MYOF: variants seen among roughly 807,000 people sequenced by gnomAD.
MYOF encodes the protein fer-1-like 3, myoferlin.
MYOF carries 244 observed loss-of-function variants against 284.2 expected under a neutral mutation model. The ratio of observed to expected loss-of-function variants is 0.86; its 90% CI spans 0.77 to 0.95. The LOEUF (loss-of-function observed/expected upper bound fraction) is 0.95, where lower values mean the gene tolerates loss of function less well. MYOF is among the 40% of genes least tolerant of loss of function. The pLI, the probability that MYOF is intolerant of heterozygous loss-of-function variation, is 0.00. For synonymous variants in MYOF, 904 were observed against 919.7 expected (o/e 0.98, Z 0.31); for missense variants, 2,496 against 2,560.6 (o/e 0.97, Z 0.54).
At chr10:93,407,425 A>C (rs1261558603) in intron 7 of MYOF, among the ~76,000 whole-genome samples, 2 of 13,056 alleles carry the variant, frequency 1.5e-4, no homozygotes, top group Non-Finnish European at 7.2e-4. Context: ...CTCTGTCTCA[A>C]AAAAAAAAAA....
chr10:93,351,508 C>T lies in MYOF; in HGVS notation c.3727G>A (p.Asp1243Asn), dbSNP rs764289927. ...SPVVKLNSEM[D>N]ITPKLLWHPV... ...TGCCAGAGAAGTTTGGGTGTGATGT[C>T]CATTTCTGAGTTCAGTTTCACCACA... Residue 1243 changes from aspartate to asparagine, a missense_variant, in exon 34 of 54, where the codon GAC (aspartate) becomes AAC (asparagine). This residue lies in a region of MYOF where 2,436 missense variants were observed against 2,480.7 expected (regional missense o/e 0.98). Coordinates refer to ENST00000359263, the MANE Select transcript of MYOF (RefSeq NM_013451.4). 13 of 1,614,076 alleles carry T rather than the reference C, an allele frequency of 8.1e-6. No homozygotes were observed. The Admixed American group carries it at 2.2e-4, about 27-fold the overall frequency.
intron 46 of MYOF, chr10:93,324,503 G>T (rs542148336): frequency 6.6e-6 from 1 of 152,330 alleles, no homozygotes; most frequent in East Asian, 1.9e-4. Context: ...AGAAGTGATG[G>T]GGGTTTGTGG....
At chr10:93,411,344 C>T (rs1396999339) in intron 5 of MYOF, among the ~76,000 whole-genome samples, 2 of 152,210 alleles carry the variant, frequency 1.3e-5, no homozygotes, top group Non-Finnish European at 1.5e-5. Flanking sequence ...TCTCTGCCTC[C>T]CATGATGGAA....
At chr10:93,315,191 C>T (rs1443052840) in intron 50 of MYOF, among the ~76,000 whole-genome samples, 2 of 152,136 alleles carry the variant, frequency 1.3e-5, no homozygotes, top group South Asian at 2.1e-4. Flanking sequence ...AGGTACTGTG[C>T]GGGGAAAAGG....
intron 32 of MYOF, 44 bp downstream of exon 32, chr10:93,353,767 A>G (rs541405645): frequency 6.2e-6 from 9 of 1,452,926 alleles, no homozygotes; most frequent in Non-Finnish European, 7.6e-6. Flanking sequence ...GCAAAATAGC[A>G]TGCTATGTAA....
chr10:93,426,085 A>C lies in MYOF; in HGVS notation c.419T>G (p.Val140Gly), dbSNP rs775863239. Residue 140 changes from valine to glycine, a missense_variant, in exon 5 of 54, where the codon GTG becomes GGG. Around this residue, in one of 3 missense-constraint regions of MYOF, gnomAD observed 2,436 missense variants for 2,480.7 expected, o/e 0.98. Coordinates refer to ENST00000359263, the MANE Select transcript of MYOF (RefSeq NM_013451.4). ...GGTCAGCTTACCTCCCATGCCTGGCACGCTGGGCCCGCTCAGGTCATTTGG... is the reference window on the plus strand; with the variant it reads ...GGTCAGCTTACCTCCCATGCCTGGCCCGCTGGGCCCGCTCAGGTCATTTGG... The part of the protein sequence containing the change: ...PHPNDLSGPS[V>G]PGMGGDGEED... 8.4e-6 allele frequency: 13 copies of C among 1,556,508 alleles called. No homozygotes were observed. Among genetic ancestry groups the C allele is most frequent in the South Asian group, 7.1e-5 (6 of 84,390 alleles).
intron 2 of MYOF, among the ~76,000 whole-genome samples, chr10:93,453,815 G>A (rs1237218764): frequency 6.6e-6 from 1 of 152,088 alleles, no homozygotes; most frequent in East Asian, 1.9e-4. Flanking sequence ...AGCCCAGTTA[G>A]TTATGGCTGC....
At chr10:93,333,435 A>C (rs1589402459) in intron 42 of MYOF, 123 bp from the exon 43 acceptor site, 1 of 747,740 alleles carries the variant, frequency 1.3e-6, no homozygotes, top group South Asian at 1.5e-5. Context: ...CCGCCATGGC[A>C]CCCCGTGCCT....
In MYOF at chr10:93,402,281, C is replaced by A; in HGVS notation, c.941G>T (p.Gly314Val). The A allele has an allele frequency of 1.2e-6, 2 of 1,614,092 alleles. No individual in the cohort carries two copies. Among genetic ancestry groups the A allele is most frequent in the South Asian group, 1.1e-5 (1 of 91,080 alleles). Residue 314 changes from glycine to valine, a missense_variant, in exon 11 of 54, where the codon GGT becomes GTT. Gly to Val is a moderately radical substitution (Grantham distance 109, BLOSUM62 -3). This residue lies in a region of MYOF where 2,436 missense variants were observed against 2,480.7 expected (regional missense o/e 0.98). Transcript: ENST00000359263. ...DPEDTSSGSKGYMKVSMFVLG... is the reference protein window; with the variant it reads ...DPEDTSSGSKVYMKVSMFVLG... Reference sequence around the variant, plus strand: ...GACAAACATGCTGACTTTCATATAACCTTTAGAACCTGAACTGGTATCTTC... The same window carrying A: ...GACAAACATGCTGACTTTCATATAAACTTTAGAACCTGAACTGGTATCTTC...
chr10:93,369,583 G>GA, intron 25 of MYOF, 62 bp downstream of exon 25: 1 of 1,603,958 alleles, frequency 6.2e-7, no homozygotes, highest in Non-Finnish European at 8.5e-7. Flanking sequence ...CCATAAAGGT[G>GA]AAAAGTAAAA....
rs763705737 is a variant in MYOF at position 93,374,952 on chromosome 10, G to A, written c.2112C>T (p.Tyr704=). The change falls in exon 23 of 54, where the codon TAC becomes TAT. Residue 704 remains tyrosine (Y), a synonymous_variant. Coordinates refer to ENST00000359263, the MANE Select transcript of MYOF (RefSeq NM_013451.4). ...CTTTTCCTTCTGTGAGAGGCAACGT[G>A]TATCTAGAAAAATGAAGAAAAAAAG... ...LIDEVIEDTR[Y]TLPLTEGKAN... is the part of the protein sequence containing the mutation. 3.1e-6 allele frequency: 5 copies of A among 1,608,188 alleles called. No homozygotes were observed. The highest frequency in any genetic ancestry group is 2.2e-5 in the South Asian group (2 of 89,594).
intron 28 of MYOF, among the ~76,000 whole-genome samples, chr10:93,361,100 A>AC (rs1168026936): frequency 2.0e-5 from 3 of 152,248 alleles, no homozygotes; most frequent in African/African-American, 7.2e-5. Context: ...TTTTCTATGG[A>AC]CAGGGTTGTG....
intron 5 of MYOF, among the ~76,000 whole-genome samples, chr10:93,422,988 C>T (rs1369466464): frequency 6.6e-6 from 1 of 152,018 alleles, no homozygotes; most frequent in Non-Finnish European, 1.5e-5. Flanking sequence ...GGAATGGAAT[C>T]AACATATGAA....
At chr10:93,368,693 T>G (rs1845437753) in intron 25 of MYOF, among the ~76,000 whole-genome samples, 2 of 152,172 alleles carry the variant, frequency 1.3e-5, no homozygotes, top group Admixed American at 1.3e-4. Context: ...GCTGAATGAA[T>G]AAAAAGTAAA....
chr10:93,408,704 G>A (rs1847749686), intron 7 of MYOF, 83 bp downstream of exon 7: 1 of 1,561,036 alleles, frequency 6.4e-7, no homozygotes, highest in African/African-American at 1.4e-5. Context: ...GAACTCAGTG[G>A]TGTCTTCACC....
rs1457333632 is a variant in MYOF, at chr10:93,356,799, A to G, written c.3170T>C (p.Ile1057Thr). Residue 1057 changes from isoleucine (I) to threonine (T), a missense_variant, in exon 30 of 54, where the codon ATT becomes ACT. This residue lies in a region of MYOF where 2,436 missense variants were observed against 2,480.7 expected (regional missense o/e 0.98). Transcript: ENST00000359263. ...DQEGWEYASL[I>T]GWKFHWKQRS... ...TTGTTTCCAGTGAAATTTCCAGCCAATTAGAGAAGCATATTCCCAGCCCTC... is the reference window on the plus strand; with the variant it reads ...TTGTTTCCAGTGAAATTTCCAGCCAGTTAGAGAAGCATATTCCCAGCCCTC... 1.2e-6 allele frequency: 2 copies of G among 1,614,168 alleles called. No homozygotes were observed. The highest frequency in any genetic ancestry group is 1.7e-6 in the Non-Finnish European group (2 of 1,180,022).
At chr10:93,470,926 T>C (rs1357317725) in intron 1 of MYOF, among the ~76,000 whole-genome samples, 2 of 152,064 alleles carry the variant, frequency 1.3e-5, no homozygotes, top group Non-Finnish European at 2.9e-5. Context: ...ACAGGGAGTG[T>C]CCTAGCAATG....
At chr10:93,457,032 T>G (rs1406160314) in intron 1 of MYOF, 95 bp from the exon 2 acceptor site, 1 of 854,948 alleles carries the variant, frequency 1.2e-6, no homozygotes, top group African/African-American at 1.7e-5. Flanking sequence ...CCCAAGGGTC[T>G]ACTTGCACCC....
intron 13 of MYOF, 93 bp downstream of exon 13, chr10:93,399,299 T>C: frequency 1.0e-6 from 1 of 991,236 alleles, no homozygotes; most frequent in South Asian, 1.6e-5. Context: ...GGGGCTATTT[T>C]AACAAAGAGT....
Sources: gnomAD v4.1 joint callset for allele counts (sites outside exome capture counted in the v4.1 genomes callset) on GRCh38, gnomAD v4.1.1 for gene constraint, gnomAD v4.1.1 regional missense constraint, MANE v1.5 for transcripts, NCBI Gene and HGNC (gene_info 2026-07-23, HGNC 2026-07-21) for gene names.